MTX2: variants seen among roughly 807,000 people sequenced by gnomAD.
MTX2 encodes the protein metaxin-2.
MTX2 carries 35 observed loss-of-function variants against 42.3 expected under a neutral mutation model. The observed-to-expected ratio is 0.83, with a 90% CI of 0.63 to 1.10. MTX2 has a LOEUF of 1.10. Among genes scored for constraint, MTX2 ranks in the 50% least tolerant of loss-of-function variants. The probability of loss-of-function intolerance (pLI) is 0.00; values close to 1 mark genes in which losing one functional copy is unlikely to be tolerated. For missense variants in MTX2, 307 were observed against 304.1 expected (o/e 1.01, Z -0.07); for synonymous variants, 119 against 100.9 (o/e 1.18, Z -1.08).
rs74542949 is a variant in MTX2 at position 176,337,024 on chromosome 2, A to G, written c.621-469A>G. ...ATGGTGCAGTGTTTGCATGTAATCT[A>G]TGTACATCCGTATATTTTAAATCAT... On this transcript the variant is annotated intron_variant, in intron 9 of 9. Transcript: ENST00000249442. Among the ~76,000 whole-genome samples the G allele has an allele frequency of 6.1e-3, 932 of 152,260 alleles. 10 individuals are homozygous for G. The highest frequency in any genetic ancestry group is 0.021 in the African/African-American group (858 of 41,540).
At chr2:176,311,297 C>G (rs1271543986) in intron 3 of MTX2, among the ~76,000 whole-genome samples, 5 of 152,126 alleles carry the variant, frequency 3.3e-5, no homozygotes, top group African/African-American at 1.2e-4. Flanking sequence ...GAGCACCGAA[C>G]TATGTGAGGT....
chr2:176,293,822 A>G (rs1683763711), intron 1 of MTX2, among the ~76,000 whole-genome samples: 1 of 152,198 alleles, frequency 6.6e-6, no homozygotes, highest in African/African-American at 2.4e-5. Context: ...TGATGCACTT[A>G]AGTCAGTGAT....
At chr2:176,335,433 T>G (rs965926548) in intron 9 of MTX2, among the ~76,000 whole-genome samples, 14 of 151,990 alleles carry the variant, frequency 9.2e-5, no homozygotes, top group African/African-American at 3.1e-4. Context: ...CATTAGAATA[T>G]TTTGTGCTTG....
intron 9 of MTX2, 43 bp from the exon 10 acceptor site, chr2:176,337,450 G>A (rs899734569): frequency 1.3e-6 from 2 of 1,495,828 alleles, no homozygotes; most frequent in East Asian, 2.4e-5. Context: ...TATTGTAAAA[G>A]TTAAATGCTA....
intron 1 of MTX2, among the ~76,000 whole-genome samples, chr2:176,280,372 G>T (rs1693050164): frequency 6.6e-6 from 1 of 152,224 alleles, no homozygotes; most frequent in African/African-American, 2.4e-5. Flanking sequence ...TGAGGCTTCA[G>T]ATGAGTCAAC....
chr2:176,328,843 T>G, intron 6 of MTX2, 31 bp from the exon 7 acceptor site: 1 of 1,594,148 alleles, frequency 6.3e-7, no homozygotes, highest in Non-Finnish European at 8.6e-7. Flanking sequence ...TTTGGTATTC[T>G]AAAGTTTAGT....
At chr2:176,330,497 T>C (rs906784677) in intron 8 of MTX2, 87 bp from the exon 9 acceptor site, 2 of 876,324 alleles carry the variant, frequency 2.3e-6, no homozygotes, top group African/African-American at 1.7e-5. Context: ...ATTTTTGTTA[T>C]AAACTGTGAT....
At chr2:176,271,044 T>C (rs1333608604) in intron 1 of MTX2, among the ~76,000 whole-genome samples, 1 of 152,230 alleles carries the variant, frequency 6.6e-6, no homozygotes, top group Non-Finnish European at 1.5e-5. Flanking sequence ...TGTGATTTCT[T>C]TTAATGAGAA....
intron 1 of MTX2, among the ~76,000 whole-genome samples, chr2:176,272,402 G>A (rs1340286814): frequency 6.6e-6 from 1 of 152,144 alleles, no homozygotes; most frequent in Non-Finnish European, 1.5e-5. Context: ...AATTGCTAAA[G>A]GCTTAGATTT....
chr2:176,310,072 C>T (rs1233610711), intron 3 of MTX2, among the ~76,000 whole-genome samples: 1 of 152,124 alleles, frequency 6.6e-6, no homozygotes, highest in Non-Finnish European at 1.5e-5. Flanking sequence ...TTTAGTGCTT[C>T]CTTCAGGAGC....
intron 3 of MTX2, among the ~76,000 whole-genome samples, chr2:176,321,816 T>A (rs981573971): frequency 6.6e-6 from 1 of 152,166 alleles, no homozygotes; most frequent in South Asian, 2.1e-4. Context: ...TTTCTACCAC[T>A]GTAGGGAAAG....
Position 176,298,301 on chromosome 2 carries a change from T to C in MTX2, c.135+406T>C, listed in dbSNP as rs570293447. On this transcript the variant is annotated intron_variant, in intron 3 of 9. Coordinates refer to ENST00000249442, the MANE Select transcript of MTX2 (RefSeq NM_006554.5). ...ATATTTTTAAGCATTGTTTTGCTCA[T>C]TGCACTCATTGGCCTCTAGCTTTTA... Among the ~76,000 whole-genome samples the C allele has an allele frequency of 2.6e-5, 4 of 152,192 alleles. 1 individual carries two copies. In the South Asian group the frequency reaches 8.3e-4, roughly 32 times the overall value.
In MTX2 at chr2:176,337,933, G is replaced by C. The variant is rs771771897; in HGVS notation, c.*269G>C. 4 of 225,310 alleles carry C rather than the reference G, an allele frequency of 1.8e-5. No homozygotes were observed. Among genetic ancestry groups the C allele is most frequent in the Admixed American group, 5.7e-5 (1 of 17,594 alleles). 14.0% of individuals were successfully genotyped at this position (225,310 alleles called of 1,614,324 possible). A position where few individuals can be genotyped will look rare whatever the true frequency, so the allele number is the denominator to read the frequency against. On this transcript the variant is annotated 3_prime_UTR_variant, in exon 10 of 10. Transcript: ENST00000249442. Reference sequence around the variant, plus strand: ...ATTTAAAAATAAAGCTTAAACAACTGTATGGATGTTACATTTACTTTCTTT... The same window carrying C: ...ATTTAAAAATAAAGCTTAAACAACTCTATGGATGTTACATTTACTTTCTTT...
intron 8 of MTX2, among the ~76,000 whole-genome samples, chr2:176,329,699 T>C (rs1684808307): frequency 6.6e-6 from 1 of 150,622 alleles, no homozygotes; most frequent in African/African-American, 2.4e-5. Flanking sequence ...TGGAGAGCCT[T>C]CTTCTAGATG....
At chr2:176,305,801 A>G (rs923002397) in intron 3 of MTX2, among the ~76,000 whole-genome samples, 1 of 152,088 alleles carries the variant, frequency 6.6e-6, no homozygotes, top group Non-Finnish European at 1.5e-5. Context: ...CTATGAAGTG[A>G]TATGTCTTCA....
Position 176,269,648 on chromosome 2 carries a change from G to T in MTX2, c.19G>T (p.Ala7Ser). The T allele has an allele frequency of 6.3e-7, 1 of 1,597,910 alleles. No homozygotes were observed. The highest frequency in any genetic ancestry group is 2.3e-5 in the East Asian group (1 of 44,184). ...AGCCGACATGTCTCTAGTGGCGGAA[G>T]CCTTCGTCTCCCAGATTGCAGGTAG... MSLVAE[A>S]FVSQIAAAEP... Residue 7 changes from alanine (A) to serine (S), a missense_variant, in exon 1 of 10, where the codon GCC (alanine) becomes TCC (serine). Coordinates refer to ENST00000249442, the MANE Select transcript of MTX2 (RefSeq NM_006554.5).
intron 1 of MTX2, among the ~76,000 whole-genome samples, chr2:176,292,109 C>T (rs138864179): frequency 2.5e-4 from 38 of 152,264 alleles, no homozygotes; most frequent in Admixed American, 7.8e-4. Context: ...AACTTTCTTC[C>T]TCAGCCTCCA....
At chr2:176,285,018 A>T (rs982459377) in intron 1 of MTX2, among the ~76,000 whole-genome samples, 2 of 152,210 alleles carry the variant, frequency 1.3e-5, no homozygotes, top group African/African-American at 4.8e-5. Flanking sequence ...GTTGTAAGAT[A>T]ATTATAATTG....
At chr2:176,301,105 T>G (rs901687063) in intron 3 of MTX2, among the ~76,000 whole-genome samples, 1 of 152,180 alleles carries the variant, frequency 6.6e-6, no homozygotes, top group South Asian at 2.1e-4. Context: ...AAAATTAATA[T>G]TGAATGCTTT....
Sources: allele counts gnomAD v4.1 joint callset (sites outside exome capture counted in the v4.1 genomes callset), GRCh38; gene constraint gnomAD v4.1.1; transcripts MANE v1.5; gene names NCBI Gene and HGNC (gene_info 2026-07-23, HGNC 2026-07-21).